ADGRB3: variants seen among roughly 807,000 people sequenced by gnomAD.
ADGRB3 encodes adhesion G protein-coupled receptor B3.
A neutral mutation model predicts 193.4 loss-of-function variants in ADGRB3; 37 were observed. The ratio of observed to expected loss-of-function variants is 0.19; its 90% confidence interval spans 0.15 to 0.25. ADGRB3 has a LOEUF of 0.25. Among genes scored for constraint, ADGRB3 ranks in the 10% least tolerant of loss-of-function variants. The pLI is 1.00. For synonymous variants in ADGRB3, 690 were observed against 644.2 expected, an observed-to-expected ratio of 1.07 and a Z score of -1.08; for missense variants, 1,637 against 1,852.9, an observed-to-expected ratio of 0.88 and a Z score of 2.14.
rs574681857 is a variant in ADGRB3 at position 68,859,263 on chromosome 6, T to G, written c.758-71296T>G. 1.1e-4 allele frequency among the ~76,000 whole-genome samples: 17 copies of G among 152,348 alleles called. No homozygotes were observed. The South Asian group carries it at 2.5e-3, about 22-fold the overall frequency. ...CAGCCTGTTATTGTCCATATCACTA[T>G]CAGCATTTTGGTCAAAGTAATTCAA... On this transcript the variant is annotated intron_variant, in intron 3 of 31. Transcript: ENST00000370598.
At chr6:69,149,495 A>G (rs746963611) in intron 17 of ADGRB3, among the ~76,000 whole-genome samples, 21 of 152,060 alleles carry the variant, frequency 1.4e-4, no homozygotes, top group Non-Finnish European at 3.1e-4. Flanking sequence ...ATTTTGAATG[A>G]TCTGACTGAA....
At chr6:68,914,791 T>C (rs1236424782) in intron 3 of ADGRB3, among the ~76,000 whole-genome samples, 2 of 152,224 alleles carry the variant, frequency 1.3e-5, no homozygotes, top group Non-Finnish European at 2.9e-5. Context: ...ACCTTACTCA[T>C]CATTAAAGTG....
chr6:69,326,334 T>C (rs1308749219), intron 21 of ADGRB3, among the ~76,000 whole-genome samples: 1 of 152,206 alleles, frequency 6.6e-6, no homozygotes, highest in Non-Finnish European at 1.5e-5. Flanking sequence ...AAAGTTGAGA[T>C]AGTATTTAAA....
intron 3 of ADGRB3, among the ~76,000 whole-genome samples, chr6:68,662,517 G>A (rs544358887): frequency 7.3e-5 from 11 of 151,548 alleles, no homozygotes; most frequent in East Asian, 2.0e-4. Context: ...CAGGTCATGC[G>A]TTTTAGAAGT....
intron 3 of ADGRB3, among the ~76,000 whole-genome samples, chr6:68,726,007 AT>A (rs1487302215): frequency 1.3e-5 from 2 of 151,476 alleles, no homozygotes; most frequent in African/African-American, 4.8e-5. Flanking sequence ...AGGTCTATGG[AT>A]TTGGCAATGA....
chr6:68,903,840 A>G (rs980807196), intron 3 of ADGRB3, among the ~76,000 whole-genome samples: 11 of 151,802 alleles, frequency 7.2e-5, no homozygotes, highest in Non-Finnish European at 4.4e-5. Context: ...CACCCTGTCT[A>G]TTAAAAAAAT....
chr6:68,993,222 T>C (rs1377163330), intron 10 of ADGRB3, among the ~76,000 whole-genome samples: 1 of 152,096 alleles, frequency 6.6e-6, no homozygotes, highest in African/African-American at 2.4e-5. Flanking sequence ...TAAAGCAATC[T>C]GGTTTTCAAT....
intron 20 of ADGRB3, among the ~76,000 whole-genome samples, chr6:69,318,678 G>T (rs1768370506): frequency 6.6e-6 from 1 of 151,226 alleles, no homozygotes; most frequent in South Asian, 2.1e-4. Context: ...TATGGAAAAT[G>T]ATACTGAAAT....
At chr6:69,341,374 G>T (rs1768970816) in intron 26 of ADGRB3, among the ~76,000 whole-genome samples, 1 of 152,146 alleles carries the variant, frequency 6.6e-6, no homozygotes, top group African/African-American at 2.4e-5. Context: ...CAGTGATGAT[G>T]ATCTATTTTT....
chr6:68,723,000 C>T (rs1765610913), intron 3 of ADGRB3, among the ~76,000 whole-genome samples: 1 of 151,806 alleles, frequency 6.6e-6, no homozygotes, highest in South Asian at 2.1e-4. Context: ...GGTTTTTTTA[C>T]AGGCATTCTT....
chr6:69,330,186 G>T (rs184883316), intron 22 of ADGRB3, among the ~76,000 whole-genome samples: 1 of 152,198 alleles, frequency 6.6e-6, no homozygotes, highest in East Asian at 1.9e-4. Context: ...TTTATAAAAT[G>T]TAAATAATAC....
chr6:69,369,954 G>A (rs568525578), intron 29 of ADGRB3, among the ~76,000 whole-genome samples: 17 of 152,040 alleles, frequency 1.1e-4, no homozygotes, highest in Non-Finnish European at 1.8e-4. Flanking sequence ...GGACTGACTG[G>A]CTCATCTATT....
intron 17 of ADGRB3, among the ~76,000 whole-genome samples, chr6:69,140,609 C>A (rs1293454382): frequency 6.6e-6 from 1 of 151,786 alleles, no homozygotes; most frequent in East Asian, 1.9e-4. Flanking sequence ...TGACTATTGT[C>A]AATAATAATT....
intron 17 of ADGRB3, among the ~76,000 whole-genome samples, chr6:69,169,805 T>C (rs1405853994): frequency 1.3e-5 from 2 of 152,162 alleles, no homozygotes; most frequent in Non-Finnish European, 2.9e-5. Flanking sequence ...CATGAACTTT[T>C]TTCCTGGCAA....
chr6:68,984,812 C>G (rs1279530750), intron 10 of ADGRB3, among the ~76,000 whole-genome samples: 7 of 151,856 alleles, frequency 4.6e-5, no homozygotes, highest in Admixed American at 4.6e-4. Context: ...CCTTTATAAC[C>G]AGAGGAAAGC....
At chr6:69,310,386 A>G (rs983242289) in intron 20 of ADGRB3, among the ~76,000 whole-genome samples, 1 of 151,712 alleles carries the variant, frequency 6.6e-6, no homozygotes, top group South Asian at 2.1e-4. Context: ...CTAATTTTTC[A>G]TGCTGTGAAA....
At position 69,382,910 on chromosome 6, in the gene ADGRB3, G is replaced by T; in HGVS notation, c.4355G>T (p.Arg1452Leu). The T allele has an allele frequency of 1.2e-6, 2 of 1,606,802 alleles. No homozygotes were observed. Among genetic ancestry groups the T allele is most frequent in the African/African-American group, 1.3e-5 (1 of 74,558 alleles). ...AAATTTCAAACTTTGGACAGATTTC[G>T]GGATATACCAAATACAAGCAGTATG... ...NQKFQTLDRF[R>L]DIPNTSSMEN... The change falls in exon 31 of 32, where the codon CGG (arginine) becomes CTG (leucine). Residue 1452 changes from arginine to leucine, a missense_variant. Arg to Leu is a moderately radical substitution (Grantham distance 102, BLOSUM62 -2). Transcript: ENST00000370598.
intron 15 of ADGRB3, among the ~76,000 whole-genome samples, chr6:69,055,740 A>G (rs10452564): frequency 1.3e-5 from 2 of 152,072 alleles, no homozygotes; most frequent in African/African-American, 4.8e-5. Context: ...ATTCCCACCA[A>G]CATTGCATCA....
chr6:68,657,226 C>CA (rs2127284661), intron 3 of ADGRB3, among the ~76,000 whole-genome samples: 1 of 151,322 alleles, frequency 6.6e-6, no homozygotes, highest in East Asian at 2.0e-4. Flanking sequence ...GAAGATTTAT[C>CA]AAAAAATTTC....
Sources: allele counts gnomAD v4.1 joint callset (sites outside exome capture counted in the v4.1 genomes callset), GRCh38; gene constraint gnomAD v4.1.1; transcripts MANE v1.5; gene names NCBI Gene and HGNC (gene_info 2026-07-23, HGNC 2026-07-21).